Variants in DPYSL2 observed in about 807,000 individuals in gnomAD.
The protein encoded by DPYSL2 is dihydropyrimidinase-related protein 2.
A neutral mutation model predicts 69.9 loss-of-function variants in DPYSL2; 13 were observed. That is an observed-to-expected ratio of 0.19 (90% CI 0.12 to 0.30). The LOEUF (loss-of-function observed/expected upper bound fraction) is 0.30. DPYSL2 is among the 10% of genes least tolerant of loss of function. The probability of loss-of-function intolerance (pLI) is 1.00; values close to 1 mark genes in which losing one functional copy is unlikely to be tolerated. For synonymous variants in DPYSL2, 326 were observed against 359.1 expected (o/e 0.91, Z 1.04); for missense variants, 587 against 918.9 (o/e 0.64, Z 4.67).
At chr8:26,540,168 T>C (rs773078594) in intron 1 of DPYSL2, among the ~76,000 whole-genome samples, 2 of 151,954 alleles carry the variant, frequency 1.3e-5, no homozygotes, top group Non-Finnish European at 2.9e-5. Context: ...AACAAAGAGA[T>C]AAAATAATCT....
At position 26,643,601 on chromosome 8, in the gene DPYSL2, T is replaced by A. The variant is rs1364083345; in HGVS notation, c.1283+6T>A. 2 of 1,613,980 alleles carry A rather than the reference T, an allele frequency of 1.2e-6. No individual in the cohort carries two copies. Among genetic ancestry groups the A allele is most frequent in the South Asian group, 2.2e-5 (2 of 91,086 alleles). On this transcript the variant is annotated splice_donor_region_variant and intron_variant, in intron 9 of 13. Transcript: ENST00000521913. The surrounding 1 kb of genome is among the most constrained non-coding windows in gnomAD (Gnocchi z 6.5). ...CTCAACTCCTTGCTGTCCTGGTGAG[T>A]CCTGGCGACTTGTTCACACTTCACA...
chr8:26,597,544 A>C lies in DPYSL2; in HGVS notation c.628+13561A>C, dbSNP rs1272924725. Among the ~76,000 whole-genome samples, 1 of 151,816 alleles carries C rather than the reference A, an allele frequency of 6.6e-6. No homozygotes were observed. The highest frequency in any genetic ancestry group is 1.5e-5 in the Non-Finnish European group (1 of 67,978). ...GGCTGGAATGCAGTGGCTTGATCTC[A>C]GCTCACTGCAAGCTCCGCCTCCCAG... On this transcript the variant is annotated intron_variant, in intron 3 of 13. Coordinates refer to ENST00000521913, the MANE Select transcript of DPYSL2 (RefSeq NM_001197293.3). The surrounding 1 kb of genome is among the most constrained non-coding windows in gnomAD (Gnocchi z 5.2).
intron 1 of DPYSL2, among the ~76,000 whole-genome samples, chr8:26,540,723 T>C (rs1477766148): frequency 6.6e-6 from 1 of 152,120 alleles, no homozygotes; most frequent in East Asian, 1.9e-4. Context: ...CTGGCTAACA[T>C]GGTGAAATCC....
In DPYSL2 at chr8:26,620,999, A is replaced by T. The variant is rs73227604; in HGVS notation, c.629-3144A>T. Among the ~76,000 whole-genome samples, 19,755 of 152,222 alleles carry T rather than the reference A, an allele frequency of 0.13. 1,671 individuals are homozygous for T. Among genetic ancestry groups the T allele is most frequent in the Non-Finnish European group, 0.18 (12,416 of 68,000 alleles). ...CACACGTACATACATACACATACATACATGCCTCTTTCCTGATTTTATTTT... is the reference window on the plus strand; with the variant it reads ...CACACGTACATACATACACATACATTCATGCCTCTTTCCTGATTTTATTTT... On this transcript the variant is annotated intron_variant, in intron 3 of 13. Coordinates refer to ENST00000521913, the MANE Select transcript of DPYSL2 (RefSeq NM_001197293.3). This position sits in a 1 kb window ranked among gnomAD's most constrained non-coding sequence, Gnocchi z 4.5.
At chr8:26,535,640 T>A (rs1188769315) in intron 1 of DPYSL2, among the ~76,000 whole-genome samples, 1 of 147,874 alleles carries the variant, frequency 6.8e-6, no homozygotes, top group African/African-American at 2.4e-5. Context: ...TATATATTTT[T>A]TTTTTCAGTG....
Position 26,514,209 on chromosome 8 carries a change from T to G in DPYSL2, c.-117T>G. ...TCCTTCCTTTCTGTGCACCTTGCGG[T>G]GGGCGGCGAACGGCAGCCGCGGCAG... On this transcript the variant is annotated 5_prime_UTR_variant, in exon 1 of 14. Transcript: ENST00000521913. This position sits in a 1 kb window ranked among gnomAD's most constrained non-coding sequence, Gnocchi z 8.4. 2 of 914,586 alleles carry G rather than the reference T, an allele frequency of 2.2e-6. No homozygotes were observed. The highest frequency in any genetic ancestry group is 3.0e-6 in the Non-Finnish European group (2 of 661,472). The allele number at this position is 914,586 out of a possible 1,614,324, so 56.7% of individuals were successfully genotyped here. A position where few individuals can be genotyped will look rare whatever the true frequency, so the allele number is the denominator to read the frequency against.
intron 1 of DPYSL2, among the ~76,000 whole-genome samples, chr8:26,519,358 A>G (rs749686907): frequency 1.3e-5 from 2 of 152,172 alleles, no homozygotes; most frequent in African/African-American, 2.4e-5. Flanking sequence ...CCTGAAAACT[A>G]CTTCATTCCT....
chr8:26,627,957 C>G lies in DPYSL2; in HGVS notation c.1005+17C>G. Reference sequence around the variant, plus strand: ...CCTGAGGAGGTGAATGTTCACCAAGCGGAATGCGTGAATCAGTGTCCCTTG... The same window carrying G: ...CCTGAGGAGGTGAATGTTCACCAAGGGGAATGCGTGAATCAGTGTCCCTTG... On this transcript the variant is annotated intron_variant, in intron 7 of 13. Transcript: ENST00000521913. The surrounding 1 kb of genome is among the most constrained non-coding windows in gnomAD (Gnocchi z 6.9). 6.2e-7 allele frequency: 1 copy of G among 1,611,900 alleles called. No individual in the cohort carries two copies. The highest frequency in any genetic ancestry group is 1.3e-5 in the African/African-American group (1 of 75,014).
Position 26,607,658 on chromosome 8 carries a change from T to C in DPYSL2, c.629-16485T>C, listed in dbSNP as rs557046729. On this transcript the variant is annotated intron_variant, in intron 3 of 13. Coordinates refer to ENST00000521913, the MANE Select transcript of DPYSL2 (RefSeq NM_001197293.3). Reference sequence around the variant, plus strand: ...TTTGAAAATTACCTGGACATGGTTTTGTGTGCCTGTAGTCCCAGCTACTTA... The same window carrying C: ...TTTGAAAATTACCTGGACATGGTTTCGTGTGCCTGTAGTCCCAGCTACTTA... Among the ~76,000 whole-genome samples the C allele has an allele frequency of 1.7e-3, 258 of 151,874 alleles. 1 individual carries two copies. Among genetic ancestry groups the C allele is most frequent in the African/African-American group, 5.6e-3 (230 of 41,426 alleles).
chr8:26,627,073 A>T lies in DPYSL2; in HGVS notation c.856-142A>T. The T allele has an allele frequency of 2.8e-6, 2 of 715,396 alleles. No homozygotes were observed. Among genetic ancestry groups the T allele is most frequent in the South Asian group, 1.8e-5 (1 of 56,408 alleles). 44.3% of individuals were successfully genotyped at this position (715,396 alleles called of 1,614,324 possible). A position where few individuals can be genotyped will look rare whatever the true frequency, so the allele number is the denominator to read the frequency against. The stretch of plus-strand genomic sequence containing the variant: ...TGTGGCCAGTAACATTGCCCTCATC[A>T]TATCAAAAAAAGTCAGGCTAATAGA... On this transcript the variant is annotated intron_variant, in intron 5 of 13. Coordinates refer to ENST00000521913, the MANE Select transcript of DPYSL2 (RefSeq NM_001197293.3). The surrounding 1 kb of genome is among the most constrained non-coding windows in gnomAD (Gnocchi z 6.9).
rs897981986 is a variant in DPYSL2, at chr8:26,588,128, A to G, written c.628+4145A>G. ...TAGTGAGCACTCCCATGTGGTAGCT[A>G]TTGTCATTCCATCCTTGCTGGGTAC... On this transcript the variant is annotated intron_variant, in intron 3 of 13. Coordinates refer to ENST00000521913, the MANE Select transcript of DPYSL2 (RefSeq NM_001197293.3). The surrounding 1 kb of genome is among the most constrained non-coding windows in gnomAD (Gnocchi z 5.4). Among the ~76,000 whole-genome samples, 1 of 152,052 alleles carries G rather than the reference A, an allele frequency of 6.6e-6. No homozygotes were observed. The highest frequency in any genetic ancestry group is 1.5e-5 in the Non-Finnish European group (1 of 68,014).
chr8:26,617,962 A>G lies in DPYSL2; in HGVS notation c.629-6181A>G, dbSNP rs137990614. Among the ~76,000 whole-genome samples the G allele has an allele frequency of 1.4e-3, 207 of 152,310 alleles. 1 individual carries two copies. Among genetic ancestry groups the G allele is most frequent in the African/African-American group, 4.8e-3 (200 of 41,560 alleles). ...AAGCTCTGTGAGTGAACTAAAAGCCACCGGGTTATACCCTTTAAATGAGTG... is the reference window on the plus strand; with the variant it reads ...AAGCTCTGTGAGTGAACTAAAAGCCGCCGGGTTATACCCTTTAAATGAGTG... On this transcript the variant is annotated intron_variant, in intron 3 of 13. Transcript: ENST00000521913. The surrounding 1 kb of genome is among the most constrained non-coding windows in gnomAD (Gnocchi z 4.7).
chr8:26,584,057 C>A, intron 3 of DPYSL2, 74 bp downstream of exon 3: 1 of 1,473,706 alleles, frequency 6.8e-7, no homozygotes, highest in African/African-American at 1.4e-5. Context: ...TTGTTTGATT[C>A]TCTCCTTCTA....
At chr8:26,541,715 T>C (rs1800687008) in intron 1 of DPYSL2, among the ~76,000 whole-genome samples, 1 of 152,220 alleles carries the variant, frequency 6.6e-6, no homozygotes, top group Admixed American at 6.5e-5. Context: ...TGTTTTTTTA[T>C]ACATTTGAAC....
Position 26,514,101 on chromosome 8 carries a change from T to C in DPYSL2, c.-225T>C. On this transcript the variant is annotated 5_prime_UTR_variant, in exon 1 of 14. Transcript: ENST00000521913. This position sits in a 1 kb window ranked among gnomAD's most constrained non-coding sequence, Gnocchi z 8.4. ...TTGCCGCTTCCCCGAGCTCGCGCTG[T>C]AGCCGCGGGGGGCGTGGGCAGGGAG... is the stretch of plus-strand genomic sequence containing the variant. The C allele has an allele frequency of 2.6e-6, 1 of 386,748 alleles. No homozygotes were observed. Among genetic ancestry groups the C allele is most frequent in the Non-Finnish European group, 4.5e-6 (1 of 220,578 alleles). The allele number at this position is 386,748 out of a possible 1,614,324, so 24.0% of individuals were successfully genotyped here.
intron 1 of DPYSL2, among the ~76,000 whole-genome samples, chr8:26,545,121 T>A (rs1003723974): frequency 6.6e-6 from 1 of 152,066 alleles, no homozygotes; most frequent in Admixed American, 6.5e-5. Context: ...AGAAAATCAA[T>A]AAAGAAACAC....
intron 1 of DPYSL2, among the ~76,000 whole-genome samples, chr8:26,570,786 G>A (rs372147848): frequency 9.3e-5 from 14 of 151,240 alleles, no homozygotes; most frequent in African/African-American, 3.4e-4. Flanking sequence ...TTGGGCTTTG[G>A]GGTCACACAG....
At position 26,624,488 on chromosome 8, in the gene DPYSL2, C is replaced by T. The variant is rs1408551595; in HGVS notation, c.793+181C>T. ...TTATGCTGTTTGGAGGTGGCCTTAC[C>T]CAGTGCAGTAACATGAGCCTTCATT... is the stretch of plus-strand genomic sequence containing the variant. On this transcript the variant is annotated intron_variant, in intron 4 of 13. Transcript: ENST00000521913. The surrounding 1 kb of genome is among the most constrained non-coding windows in gnomAD (Gnocchi z 4.7). 6.6e-6 allele frequency among the ~76,000 whole-genome samples: 1 copy of T among 152,142 alleles called. No homozygotes were observed. Among genetic ancestry groups the T allele is most frequent in the Non-Finnish European group, 1.5e-5 (1 of 68,024 alleles).
At chr8:26,601,899 A>G (rs1802001523) in intron 3 of DPYSL2, among the ~76,000 whole-genome samples, 1 of 152,240 alleles carries the variant, frequency 6.6e-6, no homozygotes, top group Admixed American at 6.5e-5. Context: ...AAGCAGGGAT[A>G]TTGAGGCAGG....
Sources: allele counts gnomAD v4.1 joint callset (sites outside exome capture counted in the v4.1 genomes callset), GRCh38; gene constraint gnomAD v4.1.1; non-coding constraint Gnocchi (gnomAD v3.1); transcripts MANE v1.5; gene names NCBI Gene and HGNC (gene_info 2026-07-23, HGNC 2026-07-21).